Variants in MALRD1 observed in about 807,000 individuals in gnomAD.
MALRD1 encodes MAM and LDL receptor class A domain containing 1, also known as MAM and LDL-receptor class A domain-containing protein 1.
In MALRD1, 247 loss-of-function variants were observed where a neutral mutation model predicts 242.1. The observed-to-expected ratio is 1.02, with a 90% CI of 0.92 to 1.13. The LOEUF (loss-of-function observed/expected upper bound fraction) is 1.13. Ranked by LOEUF, MALRD1 falls within the 50% of genes most tolerant of loss-of-function variation. MALRD1 has a pLI of 0.00. For synonymous variants in MALRD1, 995 were observed against 866.6 expected, an observed-to-expected ratio of 1.15 and a Z score of -2.60; for missense variants, 2,989 against 2,533.1, an observed-to-expected ratio of 1.18 and a Z score of -3.86.
At chr10:19,138,380 A>G (rs947107242) in intron 10 of MALRD1, among the ~76,000 whole-genome samples, 3 of 151,758 alleles carry the variant, frequency 2.0e-5, no homozygotes, top group African/African-American at 7.3e-5. Context: ...CTTAATGTCA[A>G]TAACTGAAGG....
chr10:19,238,781 T>A (rs1033817675), intron 18 of MALRD1, among the ~76,000 whole-genome samples: 1 of 150,716 alleles, frequency 6.6e-6, no homozygotes, highest in East Asian at 1.9e-4. Context: ...TTTTTTTAAA[T>A]TTTTTAACGA....
chr10:19,180,651 T>A (rs1420201407), intron 14 of MALRD1, among the ~76,000 whole-genome samples: 1 of 152,180 alleles, frequency 6.6e-6, no homozygotes, highest in African/African-American at 2.4e-5. Flanking sequence ...CTCCTTGACA[T>A]TAGAGTTGGC....
At chr10:19,256,928 G>A (rs531312922) in intron 18 of MALRD1, among the ~76,000 whole-genome samples, 1 of 152,160 alleles carries the variant, frequency 6.6e-6, no homozygotes, top group South Asian at 2.1e-4. Flanking sequence ...ATTAAATTAT[G>A]CTGGGATTCC....
chr10:19,127,330 G>T (rs1254392320), intron 7 of MALRD1, among the ~76,000 whole-genome samples: 1 of 152,192 alleles, frequency 6.6e-6, no homozygotes. Flanking sequence ...CTGTGCAAAA[G>T]ACATTAATGT....
At chr10:19,693,609 G>A (rs1303781003) in intron 38 of MALRD1, among the ~76,000 whole-genome samples, 2 of 152,038 alleles carry the variant, frequency 1.3e-5, no homozygotes, top group Non-Finnish European at 2.9e-5. Flanking sequence ...TTCCATGCTC[G>A]TGGATAGGAA....
intron 36 of MALRD1, among the ~76,000 whole-genome samples, chr10:19,657,965 T>A (rs889007854): frequency 6.6e-6 from 1 of 151,962 alleles, no homozygotes; most frequent in Non-Finnish European, 1.5e-5. Context: ...CTGACCAACA[T>A]GGAGAAACCC....
At chr10:19,238,465 T>C (rs1588754968) in intron 18 of MALRD1, among the ~76,000 whole-genome samples, 1 of 40,358 alleles carries the variant, frequency 2.5e-5, no homozygotes, top group Non-Finnish European at 3.9e-5. Flanking sequence ...TAATATATAA[T>C]ATAATATATA....
At chr10:19,272,889 C>G (rs1237885833) in intron 19 of MALRD1, among the ~76,000 whole-genome samples, 1 of 152,120 alleles carries the variant, frequency 6.6e-6, no homozygotes, top group East Asian at 1.9e-4. Context: ...GCATAGTATT[C>G]CATGGTGTAT....
In MALRD1 at chr10:19,127,468, A is replaced by T. The variant is rs1161832654; in HGVS notation, c.944-753A>T. Among the ~76,000 whole-genome samples, 4 of 152,128 alleles carry T rather than the reference A, an allele frequency of 2.6e-5. No individual in the cohort carries two copies. In the South Asian group the frequency reaches 6.2e-4, roughly 24 times the overall value. On this transcript the variant is annotated intron_variant, in intron 7 of 39. Coordinates refer to ENST00000454679, the MANE Select transcript of MALRD1 (RefSeq NM_001142308.3). ...TTCTTGTTTTTGTCTTTCTTGTTGT[A>T]TTTGGGTTTCCTTAGAGACTTCTTT... is the stretch of plus-strand genomic sequence containing the variant.
chr10:19,396,237 A>G (rs770661368), intron 28 of MALRD1, among the ~76,000 whole-genome samples: 2 of 150,584 alleles, frequency 1.3e-5, no homozygotes, highest in Non-Finnish European at 2.9e-5. Flanking sequence ...TCCTGGTTCA[A>G]GCGATTCTCC....
intron 10 of MALRD1, among the ~76,000 whole-genome samples, chr10:19,138,974 CT>C (rs1371238573): frequency 1.3e-5 from 2 of 152,004 alleles, no homozygotes; most frequent in East Asian, 1.9e-4. Flanking sequence ...ACTTATTAGT[CT>C]TTTAAGTTTT....
intron 28 of MALRD1, among the ~76,000 whole-genome samples, chr10:19,417,814 T>G (rs1406609449): frequency 1.3e-5 from 2 of 152,168 alleles, no homozygotes; most frequent in Admixed American, 6.5e-5. Context: ...ATCTCAATTC[T>G]CAGTGAGCTG....
intron 33 of MALRD1, among the ~76,000 whole-genome samples, chr10:19,592,838 G>A (rs1008929578): frequency 2.0e-5 from 3 of 151,206 alleles, no homozygotes; most frequent in African/African-American, 7.3e-5. Context: ...TTTTTGAATA[G>A]AGAACATTAT....
chr10:19,260,433 A>T (rs1446770348), intron 19 of MALRD1, among the ~76,000 whole-genome samples: 1 of 151,960 alleles, frequency 6.6e-6, no homozygotes, highest in African/African-American at 2.4e-5. Flanking sequence ...TAGAGGATGG[A>T]AAAAAAAGCA....
At chr10:19,460,035 G>A (rs76681474) in intron 29 of MALRD1, among the ~76,000 whole-genome samples, 1,794 of 151,972 alleles carry the variant, frequency 0.012, 36 homozygotes, top group African/African-American at 0.041. Context: ...TCATATTTAG[G>A]ATCTAGGTCA....
chr10:19,049,539 T>C (rs1834423715), intron 1 of MALRD1, among the ~76,000 whole-genome samples: 1 of 152,152 alleles, frequency 6.6e-6, no homozygotes, highest in Admixed American at 6.5e-5. Flanking sequence ...TTTAGATTGG[T>C]TGGGTAGATT....
intron 33 of MALRD1, among the ~76,000 whole-genome samples, chr10:19,584,010 G>A (rs1201348069): frequency 6.6e-6 from 1 of 152,012 alleles, no homozygotes; most frequent in African/African-American, 2.4e-5. Flanking sequence ...GTTTATTTGT[G>A]TAGAGGCGTT....
At chr10:19,269,435 T>C (rs1277807464) in intron 19 of MALRD1, among the ~76,000 whole-genome samples, 1 of 152,256 alleles carries the variant, frequency 6.6e-6, no homozygotes, top group Non-Finnish European at 1.5e-5. Flanking sequence ...TAGAAAATAC[T>C]CTTCTAAGTA....
chr10:19,578,211 G>T (rs1251781632), intron 33 of MALRD1, among the ~76,000 whole-genome samples: 1 of 151,954 alleles, frequency 6.6e-6, no homozygotes, highest in Non-Finnish European at 1.5e-5. Flanking sequence ...TGTTTGTTTT[G>T]CAGTAGCATC....
Sources: allele counts gnomAD v4.1 joint callset (sites outside exome capture counted in the v4.1 genomes callset), GRCh38; gene constraint gnomAD v4.1.1; transcripts MANE v1.5; gene names NCBI Gene and HGNC (gene_info 2026-07-23, HGNC 2026-07-21).